ELAVL3: variants seen among roughly 807,000 people sequenced by gnomAD.
The protein encoded by ELAVL3 is ELAV-like protein 3.
A neutral mutation model predicts 34.2 loss-of-function variants in ELAVL3; 8 were observed. That is an observed-to-expected ratio of 0.23 (90% CI 0.14 to 0.42). The LOEUF is 0.42. ELAVL3 is among the 10% of genes least tolerant of loss of function. The pLI is 1.00. For synonymous variants in ELAVL3, 209 were observed against 222.1 expected, an observed-to-expected ratio of 0.94 and a Z score of 0.53; for missense variants, 273 against 518.8, an observed-to-expected ratio of 0.53 and a Z score of 4.60.
At position 11,466,053 on chromosome 19, in the gene ELAVL3, G is replaced by T; in HGVS notation, c.333+119C>A. The T allele has an allele frequency of 1.1e-6, 1 of 904,240 alleles. No homozygotes were observed. Among genetic ancestry groups the T allele is most frequent in the East Asian group, 2.6e-5 (1 of 38,996 alleles). The allele number at this position is 904,240 out of a possible 1,614,324, so 56.0% of individuals were successfully genotyped here. ...TGGAGGGGAGATTTGAGCCCCTCTG[G>T]GGATGAGTCCTGAAAGGCAGTGGAC... On this transcript the variant is annotated intron_variant, in intron 3 of 6. Transcript: ENST00000359227. This position sits in a 1 kb window ranked among gnomAD's most constrained non-coding sequence, Gnocchi z 5.0.
intron 1 of ELAVL3, among the ~76,000 whole-genome samples, chr19:11,474,899 A>G (rs113596225): frequency 0.14 from 21,785 of 152,144 alleles, 3,189 homozygotes; most frequent in African/African-American, 0.37. Context: ...GCGCGATCTC[A>G]GCTCACTGCA....
chr19:11,452,878 A>G lies in ELAVL3; in HGVS notation c.*1648T>C, dbSNP rs1970683637. 6.6e-6 allele frequency: 1 copy of G among 152,052 alleles called. No homozygotes were observed. Among genetic ancestry groups the G allele is most frequent in the African/African-American group, 2.4e-5 (1 of 41,410 alleles). 9.4% of individuals were successfully genotyped at this position (152,052 alleles called of 1,614,324 possible). A position where few individuals can be genotyped will look rare whatever the true frequency, so the allele number is the denominator to read the frequency against. ...AGAAAACTAGGGCGATGCAATGTCC[A>G]GACAGAAGCCGGGGGCCGGGGCTCG... On this transcript the variant is annotated 3_prime_UTR_variant, in exon 7 of 7. Coordinates refer to ENST00000359227, the MANE Select transcript of ELAVL3 (RefSeq NM_001420.4).
chr19:11,457,101 C>T lies in ELAVL3; in HGVS notation c.752+9G>A. 13 of 1,517,600 alleles carry T rather than the reference C, an allele frequency of 8.6e-6. No homozygotes were observed. Among genetic ancestry groups the T allele is most frequent in the Non-Finnish European group, 8.8e-6 (10 of 1,140,044 alleles). 94.0% of individuals were successfully genotyped at this position (1,517,600 alleles called of 1,614,324 possible). A position where few individuals can be genotyped will look rare whatever the true frequency, so the allele number is the denominator to read the frequency against. On this transcript the variant is annotated intron_variant, in intron 6 of 6. Transcript: ENST00000359227. ...AGGGGTGGGGACAGTGGGGCGGGGT[C>T]ACTGTTACCTCTTGACGCCGTAGGC...
rs150266865 is a variant in ELAVL3, at chr19:11,469,481, T to G, written c.10-2654A>C. ...TTTTAGTAGAGGCGGGGTTTCTCCA[T>G]GTTGGTCACACTGGTCTCGAACTCT... On this transcript the variant is annotated intron_variant, in intron 1 of 6. Transcript: ENST00000359227. Among the ~76,000 whole-genome samples, 1,266 of 151,886 alleles carry G rather than the reference T, an allele frequency of 8.3e-3. 10 individuals carry two copies. The highest frequency in any genetic ancestry group is 0.031 in the Middle Eastern group (9 of 294).
At chr19:11,475,569 G>A (rs1971246629) in intron 1 of ELAVL3, among the ~76,000 whole-genome samples, 1 of 150,720 alleles carries the variant, frequency 6.6e-6, no homozygotes, top group Non-Finnish European at 1.5e-5. Flanking sequence ...CTTCCAAAGT[G>A]TTGGGAGTAC....
rs563763965 is a variant in ELAVL3 at position 11,465,465 on chromosome 19, C to A, written c.333+707G>T. Among the ~76,000 whole-genome samples the A allele has an allele frequency of 2.2e-4, 33 of 152,264 alleles. No individual in the cohort carries two copies. The South Asian group carries it at 5.6e-3, about 26-fold the overall frequency. Reference sequence around the variant, plus strand: ...CCCTGAGGCTTCTGGGTCTCGTTGGCCATGAAGGGACCCATTGGGTCACAA... The same window carrying A: ...CCCTGAGGCTTCTGGGTCTCGTTGGACATGAAGGGACCCATTGGGTCACAA... On this transcript the variant is annotated intron_variant, in intron 3 of 6. Transcript: ENST00000359227.
At position 11,458,672 on chromosome 19, in the gene ELAVL3, G is replaced by A. The variant is rs1970821299; in HGVS notation, c.334-61C>T. On this transcript the variant is annotated intron_variant, in intron 3 of 6. Coordinates refer to ENST00000359227, the MANE Select transcript of ELAVL3 (RefSeq NM_001420.4). The surrounding 1 kb of genome is among the most constrained non-coding windows in gnomAD (Gnocchi z 7.3). ...GAGACCCATTTCACAGATGGAGAGA[G>A]TGAGGCCATGTCTAAACCATCACGG... 2 of 1,589,484 alleles carry A rather than the reference G, an allele frequency of 1.3e-6. No homozygotes were observed. Among genetic ancestry groups the A allele is most frequent in the East Asian group, 2.2e-5 (1 of 44,712 alleles).
At chr19:11,474,641 C>T (rs931505248) in intron 1 of ELAVL3, among the ~76,000 whole-genome samples, 2 of 151,706 alleles carry the variant, frequency 1.3e-5, no homozygotes, top group Admixed American at 1.3e-4. Flanking sequence ...CATGCCTGGC[C>T]TATTATTCTT....
At chr19:11,471,391 G>A (rs541293083) in intron 1 of ELAVL3, among the ~76,000 whole-genome samples, 6 of 151,798 alleles carry the variant, frequency 4.0e-5, no homozygotes, top group African/African-American at 1.5e-4. Flanking sequence ...GAGGCGGGTG[G>A]ATCATGAGTT....
At chr19:11,459,141 T>TAC in intron 3 of ELAVL3, among the ~76,000 whole-genome samples, 1 of 146,056 alleles carries the variant, frequency 6.8e-6, no homozygotes, top group South Asian at 2.2e-4. Flanking sequence ...TTTTTTTTTT[T>TAC]GAGATGGAGT....
At position 11,452,575 on chromosome 19, in the gene ELAVL3, G is replaced by C. The variant is rs1487933474; in HGVS notation, c.*1951C>G. On this transcript the variant is annotated 3_prime_UTR_variant, in exon 7 of 7. Coordinates refer to ENST00000359227, the MANE Select transcript of ELAVL3 (RefSeq NM_001420.4). ...GTTTGTGTTTTTTTGTCGCTTTTTT[G>C]ATTTTTTTCTTTTTTGTTCCTTGCA... 9.7e-6 allele frequency: 1 copy of C among 102,704 alleles called. No homozygotes were observed. Among genetic ancestry groups the C allele is most frequent in the Non-Finnish European group, 2.1e-5 (1 of 47,786 alleles). 6.4% of individuals were successfully genotyped at this position (102,704 alleles called of 1,614,324 possible). A position where few individuals can be genotyped will look rare whatever the true frequency, so the allele number is the denominator to read the frequency against.
chr19:11,455,517 C>A (rs1024318986), intron 6 of ELAVL3, among the ~76,000 whole-genome samples: 1 of 151,914 alleles, frequency 6.6e-6, no homozygotes, highest in Non-Finnish European at 1.5e-5. Flanking sequence ...GAACTCCCGA[C>A]CTCAGGTGAT....
At chr19:11,464,167 A>ACATATAT (rs1970959802) in intron 3 of ELAVL3, among the ~76,000 whole-genome samples, 1 of 103,850 alleles carries the variant, frequency 9.6e-6, no homozygotes, top group African/African-American at 4.3e-5. Context: ...ATATATATAT[A>ACATATAT]TTTTTTTTTT....
Position 11,463,933 on chromosome 19 carries a change from C to T in ELAVL3, c.333+2239G>A, listed in dbSNP as rs543122500. 3.9e-3 allele frequency among the ~76,000 whole-genome samples: 592 copies of T among 150,468 alleles called. 4 individuals are homozygous for T. The highest frequency in any genetic ancestry group is 7.0e-3 in the Non-Finnish European group (475 of 67,690). On this transcript the variant is annotated intron_variant, in intron 3 of 6. Transcript: ENST00000359227. ...GCAGTGGGCCGAGATCGCGCCATTGCAATCCAGCCTGGGCAAGAGAGGGAG... is the reference window on the plus strand; with the variant it reads ...GCAGTGGGCCGAGATCGCGCCATTGTAATCCAGCCTGGGCAAGAGAGGGAG...
At chr19:11,463,285 A>G (rs1970929947) in intron 3 of ELAVL3, among the ~76,000 whole-genome samples, 1 of 152,202 alleles carries the variant, frequency 6.6e-6, no homozygotes, top group Non-Finnish European at 1.5e-5. Context: ...TATTTTGGGC[A>G]GCTGCCATAG....
At chr19:11,464,333 AT>A (rs78298355) in intron 3 of ELAVL3, among the ~76,000 whole-genome samples, 49 of 144,240 alleles carry the variant, frequency 3.4e-4, no homozygotes, top group Admixed American at 6.2e-4. Context: ...GCTAATTTAA[AT>A]TTTTTTTTTT....
chr19:11,460,331 G>C (rs941947128), intron 3 of ELAVL3, among the ~76,000 whole-genome samples: 4 of 151,256 alleles, frequency 2.6e-5, no homozygotes, highest in African/African-American at 9.7e-5. Context: ...CCTCCACCCT[G>C]GCCCCCCCTG....
chr19:11,458,417 C>T lies in ELAVL3; in HGVS notation c.487+41G>A. 1 of 1,612,442 alleles carries T rather than the reference C, an allele frequency of 6.2e-7. No individual in the cohort carries two copies. Among genetic ancestry groups the T allele is most frequent in the Non-Finnish European group, 8.5e-7 (1 of 1,179,360 alleles). On this transcript the variant is annotated intron_variant, in intron 4 of 6. Transcript: ENST00000359227. The surrounding 1 kb of genome is among the most constrained non-coding windows in gnomAD (Gnocchi z 7.3). ...CGTTGGTCCCACCTGACTGCCTTTG[C>T]CCAGCGCCCCCGCCAGGTGCACCCT...
chr19:11,456,168 C>T (rs1357577174), intron 6 of ELAVL3, among the ~76,000 whole-genome samples: 43 of 151,968 alleles, frequency 2.8e-4, no homozygotes, highest in East Asian at 3.9e-4. Flanking sequence ...TGCAGTGGCA[C>T]GATCTCAGCT....
Sources: allele counts gnomAD v4.1 joint callset (sites outside exome capture counted in the v4.1 genomes callset), GRCh38; gene constraint gnomAD v4.1.1; non-coding constraint Gnocchi (gnomAD v3.1); transcripts MANE v1.5; gene names NCBI Gene and HGNC (gene_info 2026-07-23, HGNC 2026-07-21).